The following NCKAP5 variants were observed in gnomAD, a reference collection of about 807,000 sequenced individuals.
NCKAP5 encodes the protein nck-associated protein 5.
NCKAP5 carries 92 observed loss-of-function variants against 167.0 expected under a neutral mutation model. That is an observed-to-expected ratio of 0.55 (90% CI 0.47 to 0.66). The LOEUF is 0.66. NCKAP5 is among the 30% of genes least tolerant of loss of function. The pLI is 0.00. For missense variants in NCKAP5, 2,378 were observed against 2,315.0 expected, an observed-to-expected ratio of 1.03 and a Z score of -0.56; for synonymous variants, 891 against 877.4, an observed-to-expected ratio of 1.02 and a Z score of -0.27.
rs542143304 is a variant in NCKAP5, at chr2:132,831,206, C to A, written c.807+29286G>T. ...TTGGCTTAACCTTTTCCCCACTAAA[C>A]TTTATTTTGGTTATTTCTGATTCTT... is the stretch of plus-strand genomic sequence containing the variant. On this transcript the variant is annotated intron_variant, in intron 11 of 19. Coordinates refer to ENST00000409261, the MANE Select transcript of NCKAP5 (RefSeq NM_207363.3). Among the ~76,000 whole-genome samples, 51 of 152,248 alleles carry A rather than the reference C, an allele frequency of 3.3e-4. No homozygotes were observed. In the Middle Eastern group the frequency reaches 0.02, roughly 61 times the overall value.
chr2:133,072,618 C>G (rs1405694444), intron 6 of NCKAP5, among the ~76,000 whole-genome samples: 1 of 152,172 alleles, frequency 6.6e-6, no homozygotes, highest in African/African-American at 2.4e-5. Flanking sequence ...TAACACATGC[C>G]ATTTTTAATT....
intron 3 of NCKAP5, among the ~76,000 whole-genome samples, chr2:133,512,525 C>T (rs572146880): frequency 6.6e-6 from 1 of 152,328 alleles, no homozygotes; most frequent in East Asian, 1.9e-4. Flanking sequence ...CAGCTCTCTT[C>T]CTACAACAAA....
At chr2:133,516,460 G>C (rs1037742089) in intron 3 of NCKAP5, among the ~76,000 whole-genome samples, 1 of 152,174 alleles carries the variant, frequency 6.6e-6, no homozygotes, top group Non-Finnish European at 1.5e-5. Flanking sequence ...TGACTAAGGA[G>C]AGAAGAACTT....
In NCKAP5 at chr2:132,989,727, C is replaced by T. The variant is rs561295506; in HGVS notation, c.429+4425G>A. 9.1e-4 allele frequency among the ~76,000 whole-genome samples: 138 copies of T among 152,214 alleles called. 1 individual carries two copies. The highest frequency in any genetic ancestry group is 1.7e-3 in the Non-Finnish European group (119 of 68,018). Reference sequence around the variant, plus strand: ...AGACTGTGCCTACTTTCCACCACACCATCAAAATATTCCACAGATAACTGC... The same window carrying T: ...AGACTGTGCCTACTTTCCACCACACTATCAAAATATTCCACAGATAACTGC... On this transcript the variant is annotated intron_variant, in intron 7 of 19. Transcript: ENST00000409261.
rs1429386188 is a variant in NCKAP5, at chr2:133,297,207, G to GTA, written c.143+5829_143+5830insTA. Reference sequence around the variant, plus strand: ...TGTGTGTGTGTGTGTGTGTGTGTGTGTGTTTTAAATCAAGCAGGGAGATAC... The same window carrying GTA: ...TGTGTGTGTGTGTGTGTGTGTGTGTGTATGTTTTAAATCAAGCAGGGAGATAC... On this transcript the variant is annotated intron_variant, in intron 4 of 19. Transcript: ENST00000409261. Among the ~76,000 whole-genome samples, 397 of 148,078 alleles carry GTA rather than the reference G, an allele frequency of 2.7e-3. 2 individuals are homozygous for GTA. The highest frequency in any genetic ancestry group is 9.4e-3 in the African/African-American group (371 of 39,558).
At chr2:133,661,561 G>T in the NCKAP5 span, among the ~76,000 whole-genome samples, 4 of 152,158 alleles carry the variant, frequency 2.6e-5, no homozygotes, top group African/African-American at 9.7e-5. Flanking sequence ...AACAGGACAC[G>T]CTCTCCAGTT....
chr2:133,388,944 C>T (rs896384860), intron 3 of NCKAP5, among the ~76,000 whole-genome samples: 1 of 152,210 alleles, frequency 6.6e-6, no homozygotes, highest in Admixed American at 6.5e-5. Flanking sequence ...CACAGCTTTG[C>T]CTGGCTATGA....
intron 6 of NCKAP5, among the ~76,000 whole-genome samples, chr2:133,023,353 A>G (rs994447965): frequency 1.3e-5 from 2 of 152,132 alleles, no homozygotes; most frequent in African/African-American, 4.8e-5. Context: ...ACATATACAT[A>G]TATTTGTTCT....
intron 3 of NCKAP5, among the ~76,000 whole-genome samples, chr2:133,429,439 A>T (rs900529847): frequency 1.3e-5 from 2 of 152,054 alleles, no homozygotes; most frequent in Non-Finnish European, 2.9e-5. Context: ...AAAGTTTTAC[A>T]GTCCTTCCCC....
the NCKAP5 span, among the ~76,000 whole-genome samples, chr2:133,617,042 A>T: frequency 1.3e-5 from 2 of 152,226 alleles, no homozygotes; most frequent in Admixed American, 6.5e-5. Flanking sequence ...ACAGAACCAA[A>T]GACAAAAACC....
intron 6 of NCKAP5, among the ~76,000 whole-genome samples, chr2:133,044,285 C>G (rs1013939805): frequency 2.6e-5 from 4 of 151,874 alleles, no homozygotes; most frequent in African/African-American, 9.7e-5. Context: ...TCGAAAGACG[C>G]AAATAAAAAC....
At chr2:133,256,271 T>G (rs867661646) in intron 4 of NCKAP5, among the ~76,000 whole-genome samples, 5 of 152,148 alleles carry the variant, frequency 3.3e-5, no homozygotes, top group African/African-American at 9.7e-5. Flanking sequence ...TTACCCCCTC[T>G]ATTGAACTCG....
intron 3 of NCKAP5, among the ~76,000 whole-genome samples, chr2:133,467,390 T>C (rs1559505452): frequency 6.6e-6 from 1 of 152,350 alleles, no homozygotes; most frequent in Non-Finnish European, 1.5e-5. Flanking sequence ...AGCTTTTTGA[T>C]GTGCAGCTGG....
At chr2:132,772,181 T>C (rs1022274099) in intron 16 of NCKAP5, among the ~76,000 whole-genome samples, 1 of 152,120 alleles carries the variant, frequency 6.6e-6, no homozygotes, top group Non-Finnish European at 1.5e-5. Flanking sequence ...TAGGTTTGTG[T>C]AAGTACACTC....
chr2:132,913,669 C>T (rs1023966139), intron 8 of NCKAP5, among the ~76,000 whole-genome samples: 3 of 152,060 alleles, frequency 2.0e-5, no homozygotes, highest in African/African-American at 7.2e-5. Context: ...GGTTCTGTGG[C>T]TTTGCTTCCC....
intron 7 of NCKAP5, among the ~76,000 whole-genome samples, chr2:132,990,735 T>C (rs2077425780): frequency 6.6e-6 from 1 of 152,180 alleles, no homozygotes; most frequent in African/African-American, 2.4e-5. Context: ...TGCTAGATTC[T>C]GGAAAAAGCA....
intron 6 of NCKAP5, among the ~76,000 whole-genome samples, chr2:133,058,315 G>A (rs776657665): frequency 1.7e-4 from 26 of 152,180 alleles, no homozygotes; most frequent in Admixed American, 6.5e-4. Context: ...TTTTTTATAA[G>A]GCTATAGCTG....
chr2:132,674,780 G>A (rs1057399850), intron 19 of NCKAP5, among the ~76,000 whole-genome samples: 1 of 152,028 alleles, frequency 6.6e-6, no homozygotes, highest in African/African-American at 2.4e-5. Context: ...TAATTCTATG[G>A]GAATATTTGA....
At chr2:132,874,187 C>T (rs1432388185) in intron 9 of NCKAP5, among the ~76,000 whole-genome samples, 2 of 148,554 alleles carry the variant, frequency 1.3e-5, no homozygotes, top group Admixed American at 6.8e-5. Context: ...CAGCTCACTG[C>T]GACCTTCACC....
Sources: gnomAD v4.1 joint callset for allele counts (sites outside exome capture counted in the v4.1 genomes callset) on GRCh38, gnomAD v4.1.1 for gene constraint, MANE v1.5 for transcripts, NCBI Gene and HGNC (gene_info 2026-07-23, HGNC 2026-07-21) for gene names.